HELZ: variants seen among roughly 807,000 people sequenced by gnomAD.
HELZ encodes the protein helicase with zinc finger.
In HELZ, 23 loss-of-function variants were observed where a neutral mutation model predicts 218.2. That is an observed-to-expected ratio of 0.11 (90% CI 0.08 to 0.15). The LOEUF (loss-of-function observed/expected upper bound fraction) is 0.15. Ranked by LOEUF, HELZ falls within the 10% of genes least tolerant of loss-of-function variation. HELZ has a pLI of 1.00. For synonymous variants in HELZ, 814 were observed against 829.4 expected (o/e 0.98, Z 0.32); for missense variants, 1,813 against 2,353.7 (o/e 0.77, Z 4.75).
intron 2 of HELZ, among the ~76,000 whole-genome samples, chr17:67,243,179 C>A (rs748218440): frequency 4.6e-5 from 7 of 152,078 alleles, no homozygotes; most frequent in African/African-American, 1.7e-4. Context: ...ATTCACACAC[C>A]GTGTGTGATC....
intron 7 of HELZ, among the ~76,000 whole-genome samples, chr17:67,197,325 T>G (rs1246740483): frequency 6.6e-6 from 1 of 152,222 alleles, no homozygotes; most frequent in Non-Finnish European, 1.5e-5. Context: ...CACATGGAAC[T>G]GTGAGTCCAT....
chr17:67,117,685 G>T (rs549330143), intron 27 of HELZ, among the ~76,000 whole-genome samples: 2 of 151,906 alleles, frequency 1.3e-5, no homozygotes, highest in South Asian at 4.2e-4. Context: ...AAGTACCTGG[G>T]ATTACAGGCA....
chr17:67,180,485 T>A (rs934391719), intron 12 of HELZ, among the ~76,000 whole-genome samples: 2 of 152,146 alleles, frequency 1.3e-5, no homozygotes, highest in Non-Finnish European at 2.9e-5. Context: ...GGCTCACGCC[T>A]ATAATCCTGG....
chr17:67,233,692 C>T (rs1421901514), intron 3 of HELZ, among the ~76,000 whole-genome samples: 2 of 152,144 alleles, frequency 1.3e-5, no homozygotes, highest in Non-Finnish European at 2.9e-5. Flanking sequence ...TTAAACTCAA[C>T]ACAATCAAAA....
intron 12 of HELZ, among the ~76,000 whole-genome samples, chr17:67,179,429 A>C (rs1376493147): frequency 6.6e-6 from 1 of 152,238 alleles, no homozygotes; most frequent in Non-Finnish European, 1.5e-5. Context: ...TACTATAAAC[A>C]AAAATCTTTT....
chr17:67,239,054 C>G (rs1390457649), intron 3 of HELZ, among the ~76,000 whole-genome samples: 2 of 152,156 alleles, frequency 1.3e-5, no homozygotes, highest in Middle Eastern at 3.2e-3. Context: ...ACAGGAAAAA[C>G]AATTCAATAC....
chr17:67,160,398 A>G lies in HELZ; in HGVS notation c.2076-36T>C, dbSNP rs774932004. The G allele has an allele frequency of 2.9e-6, 4 of 1,395,630 alleles. No homozygotes were observed. In the South Asian group the frequency reaches 4.7e-5, roughly 16 times the overall value. 86.5% of individuals were successfully genotyped at this position (1,395,630 alleles called of 1,614,324 possible). A position where few individuals can be genotyped will look rare whatever the true frequency, so the allele number is the denominator to read the frequency against. ...AAATGGTGCAAATAAAAAGAATGATAAAACACAAAACTATTCAAGCAGTAT... is the reference window on the plus strand; with the variant it reads ...AAATGGTGCAAATAAAAAGAATGATGAAACACAAAACTATTCAAGCAGTAT... On this transcript the variant is annotated intron_variant, in intron 16 of 32. Transcript: ENST00000358691.
chr17:67,101,776 C>G (rs928498401), intron 31 of HELZ, among the ~76,000 whole-genome samples: 2 of 152,192 alleles, frequency 1.3e-5, no homozygotes, highest in East Asian at 3.8e-4. Context: ...AAAGTGACAT[C>G]TCTTTAGTGA....
chr17:67,220,859 CCA>C (rs1491133877), intron 3 of HELZ, among the ~76,000 whole-genome samples: 10 of 143,764 alleles, frequency 7.0e-5, no homozygotes, highest in African/African-American at 2.0e-4. Context: ...TCCCCCCCCC[CCA>C]AAAAAAAAGA....
chr17:67,234,570 C>T lies in HELZ; in HGVS notation c.-19+4863G>A, dbSNP rs79689906. 2.2e-3 allele frequency among the ~76,000 whole-genome samples: 332 copies of T among 151,964 alleles called. 1 individual carries two copies. Among genetic ancestry groups the T allele is most frequent in the African/African-American group, 7.5e-3 (311 of 41,444 alleles). ...ACATTCAAGAAATTCCAAGGCCAAG[C>T]GTGGTGGCTCAGGCCTGTAATCCCA... On this transcript the variant is annotated intron_variant, in intron 3 of 32. Coordinates refer to ENST00000358691, the MANE Select transcript of HELZ (RefSeq NM_014877.4).
At chr17:67,196,299 A>G (rs2040026805) in intron 7 of HELZ, among the ~76,000 whole-genome samples, 1 of 152,200 alleles carries the variant, frequency 6.6e-6, no homozygotes, top group Non-Finnish European at 1.5e-5. Flanking sequence ...ACATCCTCAG[A>G]TAAACCACCA....
At chr17:67,130,327 T>C (rs1324245788) in intron 23 of HELZ, among the ~76,000 whole-genome samples, 4 of 151,670 alleles carry the variant, frequency 2.6e-5, no homozygotes, top group Admixed American at 2.6e-4. Context: ...CATAAAGCTG[T>C]CGAAAAAAGA....
At chr17:67,223,019 GAGT>G (rs1555627124) in intron 3 of HELZ, among the ~76,000 whole-genome samples, 3 of 150,658 alleles carry the variant, frequency 2.0e-5, no homozygotes, top group East Asian at 2.0e-4. Context: ...AGGCCGAGGC[GAGT>G]GGATCATGAG....
At chr17:67,091,832 G>A (rs948453552) in intron 31 of HELZ, among the ~76,000 whole-genome samples, 3 of 151,930 alleles carry the variant, frequency 2.0e-5, no homozygotes, top group African/African-American at 7.3e-5. Flanking sequence ...CAAGATTTGA[G>A]GAAGAAATCC....
intron 5 of HELZ, among the ~76,000 whole-genome samples, chr17:67,208,422 A>C (rs547666069): frequency 2.6e-5 from 4 of 152,236 alleles, no homozygotes; most frequent in Admixed American, 2.6e-4. Flanking sequence ...CCTTGTTTTG[A>C]TATGGTGCCA....
intron 12 of HELZ, among the ~76,000 whole-genome samples, chr17:67,181,054 AAAAT>A (rs891447151): frequency 5.5e-4 from 84 of 152,118 alleles, no homozygotes; most frequent in African/African-American, 2.0e-3. Context: ...TCTGTCTCAA[AAAAT>A]AAATAAATAA....
At chr17:67,181,364 A>G (rs1393686430) in intron 12 of HELZ, among the ~76,000 whole-genome samples, 1 of 152,222 alleles carries the variant, frequency 6.6e-6, no homozygotes, top group Non-Finnish European at 1.5e-5. Context: ...AACAAAATGC[A>G]GAAAGCTTTT....
At chr17:67,231,590 C>CG (rs1421362592) in intron 3 of HELZ, among the ~76,000 whole-genome samples, 76 of 123,962 alleles carry the variant, frequency 6.1e-4, no homozygotes, top group African/African-American at 2.2e-3. Flanking sequence ...CAGACTCTGT[C>CG]GGAAAAAAAA....
At chr17:67,228,588 G>A (rs763539874) in intron 3 of HELZ, among the ~76,000 whole-genome samples, 1 of 151,708 alleles carries the variant, frequency 6.6e-6, no homozygotes, top group Non-Finnish European at 1.5e-5. Flanking sequence ...CTTGAACCCG[G>A]GAGGCAGAGG....
Sources: gnomAD v4.1 joint callset for allele counts (sites outside exome capture counted in the v4.1 genomes callset) on GRCh38, gnomAD v4.1.1 for gene constraint, MANE v1.5 for transcripts, NCBI Gene and HGNC (gene_info 2026-07-23, HGNC 2026-07-21) for gene names.